Variants in LOC400499 observed in about 807,000 individuals in gnomAD.
At chr16:11,378,278 G>GT in the LOC400499 span, among the ~76,000 whole-genome samples, 2 of 149,068 alleles carry the variant, frequency 1.3e-5, no homozygotes, top group African/African-American at 5.0e-5. Flanking sequence ...CCGGGGGGAG[G>GT]GGGGAGGTGG....
At chr16:11,525,452 A>C in the LOC400499 span, among the ~76,000 whole-genome samples, 2 of 152,174 alleles carry the variant, frequency 1.3e-5, no homozygotes, top group Non-Finnish European at 2.9e-5. Context: ...CACATCTAAC[A>C]AAACCCTCTT....
At chr16:11,391,596 T>G in the LOC400499 span, 1 of 1,203,078 alleles carries the variant, frequency 8.3e-7, no homozygotes, top group Non-Finnish European at 1.0e-6. Context: ...ATGTGAGCGC[T>G]TAGGGCCCCG....
chr16:11,465,165 T>C, the LOC400499 span: 1 of 152,330 alleles, frequency 6.6e-6, no homozygotes, highest in East Asian at 1.9e-4. Flanking sequence ...CTGCTATTTG[T>C]ACCCTGGCTG....
At chr16:11,464,517 G>C in the LOC400499 span, among the ~76,000 whole-genome samples, 2 of 152,246 alleles carry the variant, frequency 1.3e-5, no homozygotes, top group Admixed American at 6.5e-5. Flanking sequence ...ACTAGCAGGA[G>C]GGGGCACTGA....
At chr16:11,424,960 G>A in the LOC400499 span, among the ~76,000 whole-genome samples, 4 of 152,314 alleles carry the variant, frequency 2.6e-5, no homozygotes, top group African/African-American at 9.6e-5. Flanking sequence ...CTGGCTGAAT[G>A]ACGTCCCAGG....
the LOC400499 span, among the ~76,000 whole-genome samples, chr16:11,430,323 TA>T: frequency 2.6e-5 from 4 of 151,842 alleles, no homozygotes; most frequent in Non-Finnish European, 4.4e-5. Context: ...CCGTCTCTAT[TA>T]AAAATACAAA....
the LOC400499 span, among the ~76,000 whole-genome samples, chr16:11,375,802 T>C: frequency 6.7e-6 from 1 of 149,354 alleles, no homozygotes; most frequent in Non-Finnish European, 1.5e-5. Flanking sequence ...CAATCTCGGC[T>C]CACCGCAACC....
chr16:11,465,246 C>A, the LOC400499 span: 2 of 152,356 alleles, frequency 1.3e-5, no homozygotes, highest in African/African-American at 2.4e-5. Flanking sequence ...CCTGCCTCAG[C>A]CTCCCAAGAA....
At chr16:11,495,101 C>A in the LOC400499 span, among the ~76,000 whole-genome samples, 5 of 151,844 alleles carry the variant, frequency 3.3e-5, no homozygotes, top group African/African-American at 1.2e-4. Context: ...CCCAACTACT[C>A]GGGAGGCTAA....
the LOC400499 span, among the ~76,000 whole-genome samples, chr16:11,374,016 T>C: frequency 1.3e-5 from 2 of 152,204 alleles, no homozygotes; most frequent in Admixed American, 6.5e-5. Context: ...ACATTCTGGT[T>C]CTTTTTCAGA....
the LOC400499 span, among the ~76,000 whole-genome samples, chr16:11,451,765 G>T: frequency 1.3e-5 from 2 of 152,178 alleles, no homozygotes; most frequent in African/African-American, 4.8e-5. Context: ...CCCTGCTGGA[G>T]ACAGGAGATT....
chr16:11,391,969 C>A, the LOC400499 span: 1 of 493,754 alleles, frequency 2.0e-6, no homozygotes, highest in Non-Finnish European at 3.2e-6. Flanking sequence ...AGGGGGACCT[C>A]TCCAACCTGA....
the LOC400499 span, chr16:11,399,206 T>G: frequency 1.0e-6 from 1 of 984,786 alleles, no homozygotes; most frequent in Non-Finnish European, 1.2e-6. Flanking sequence ...AGAAGCCCCC[T>G]AGCATCCCAC....
At chr16:11,477,558 G>C in the LOC400499 span, among the ~76,000 whole-genome samples, 1 of 152,252 alleles carries the variant, frequency 6.6e-6, no homozygotes, top group African/African-American at 2.4e-5. Flanking sequence ...GGGTGGGGTG[G>C]ATGGAAGGGC....
the LOC400499 span, chr16:11,460,363 G>A: frequency 7.9e-5 from 99 of 1,251,326 alleles, no homozygotes; most frequent in Non-Finnish European, 4.6e-5. Context: ...TTCCCATATG[G>A]CTATGTGATT....
At chr16:11,481,863 G>C in the LOC400499 span, among the ~76,000 whole-genome samples, 1 of 151,134 alleles carries the variant, frequency 6.6e-6, no homozygotes, top group Non-Finnish European at 1.5e-5. Flanking sequence ...TTGAACTCTT[G>C]AGCTCAAGTT....
the LOC400499 span, among the ~76,000 whole-genome samples, chr16:11,439,875 C>A: frequency 1.3e-5 from 2 of 151,906 alleles, no homozygotes; most frequent in Non-Finnish European, 2.9e-5. Flanking sequence ...TCTACTTGAC[C>A]CTGACCTTGA....
At chr16:11,496,395 G>A in the LOC400499 span, among the ~76,000 whole-genome samples, 4 of 152,120 alleles carry the variant, frequency 2.6e-5, no homozygotes, top group Admixed American at 6.5e-5. Flanking sequence ...CTCTGGATTC[G>A]TGACTCTTCA....
the LOC400499 span, among the ~76,000 whole-genome samples, chr16:11,375,865 G>C: frequency 2.6e-5 from 4 of 151,928 alleles, no homozygotes; most frequent in Non-Finnish European, 4.4e-5. Context: ...AAGTAGCTGG[G>C]ATTACACGCA....
Sources: gnomAD v4.1 joint callset for allele counts (sites outside exome capture counted in the v4.1 genomes callset) on GRCh38, gnomAD v4.1.1 for gene constraint, MANE v1.5 for transcripts.